Variants in CNOT6L observed in about 807,000 individuals in gnomAD.
The protein encoded by CNOT6L is CCR4-NOT transcription complex subunit 6 like.
CNOT6L carries 7 observed loss-of-function variants against 64.0 expected under a neutral mutation model. That is an observed-to-expected ratio of 0.11 (90% CI 0.06 to 0.21). The LOEUF is 0.21. Among genes scored for constraint, CNOT6L ranks in the 10% least tolerant of loss-of-function variants. CNOT6L has a pLI of 1.00. For synonymous variants in CNOT6L, 193 were observed against 243.4 expected, an observed-to-expected ratio of 0.79 and a Z score of 1.93; for missense variants, 245 against 669.0, an observed-to-expected ratio of 0.37 and a Z score of 6.99.
At chr4:77,737,154 T>C (rs1022764052) in intron 8 of CNOT6L, among the ~76,000 whole-genome samples, 1 of 152,166 alleles carries the variant, frequency 6.6e-6, no homozygotes, top group African/African-American at 2.4e-5. Flanking sequence ...AAAGGGGCAA[T>C]GTAATACACA....
chr4:77,756,181 A>G (rs917329299), intron 5 of CNOT6L, among the ~76,000 whole-genome samples: 14 of 152,038 alleles, frequency 9.2e-5, no homozygotes, highest in Non-Finnish European at 1.0e-4. Context: ...ACGTTTCACC[A>G]TGGTTTCACC....
At chr4:77,811,479 G>A (rs183158570) in intron 1 of CNOT6L, among the ~76,000 whole-genome samples, 12 of 152,154 alleles carry the variant, frequency 7.9e-5, no homozygotes, top group Admixed American at 6.5e-4. Context: ...CCTGGGAGGC[G>A]GAGGTTGCAG....
intron 1 of CNOT6L, among the ~76,000 whole-genome samples, chr4:77,816,360 C>T (rs1733576451): frequency 6.6e-6 from 1 of 152,052 alleles, no homozygotes; most frequent in East Asian, 1.9e-4. Context: ...ATTTCTATTT[C>T]TTTGTTTCTA....
chr4:77,729,263 C>G (rs1381480247), intron 9 of CNOT6L, among the ~76,000 whole-genome samples, 182 bp from the exon 10 acceptor site: 2 of 152,090 alleles, frequency 1.3e-5, no homozygotes, highest in African/African-American at 2.4e-5. Flanking sequence ...TCTGGTAATC[C>G]TACTATGGGA....
intron 1 of CNOT6L, among the ~76,000 whole-genome samples, chr4:77,818,671 G>C (rs983921841): frequency 5.3e-5 from 8 of 152,268 alleles, no homozygotes; most frequent in Admixed American, 4.6e-4. Flanking sequence ...CCTCTCAGGA[G>C]ACGCGGAGGC....
chr4:77,746,293 C>T (rs34497653), intron 6 of CNOT6L, among the ~76,000 whole-genome samples: 1 of 152,120 alleles, frequency 6.6e-6, no homozygotes, highest in Non-Finnish European at 1.5e-5. Flanking sequence ...TAAAAACTAC[C>T]TAAGTGTTAT....
intron 1 of CNOT6L, among the ~76,000 whole-genome samples, chr4:77,792,072 T>C (rs574530996): frequency 1.3e-5 from 2 of 152,232 alleles, no homozygotes; most frequent in Non-Finnish European, 2.9e-5. Flanking sequence ...TAAATGCCCA[T>C]GGATAACAGA....
chr4:77,810,550 TAC>T (rs1022072717), intron 1 of CNOT6L, among the ~76,000 whole-genome samples: 13 of 152,222 alleles, frequency 8.5e-5, no homozygotes, highest in African/African-American at 3.1e-4. Flanking sequence ...ATATATGGGA[TAC>T]ACAGTGATGT....
chr4:77,774,608 T>C lies in CNOT6L; in HGVS notation c.236A>G (p.His79Arg). The C allele has an allele frequency of 6.2e-7, 1 of 1,613,836 alleles. No individual in the cohort carries two copies. The highest frequency in any genetic ancestry group is 8.5e-7 in the Non-Finnish European group (1 of 1,179,776). ...SRIPPDIAKLHNLVYLDLSSN... is the reference protein window; with the variant it reads ...SRIPPDIAKLRNLVYLDLSSN... ...TGACAGATCCAGGTAAACCAGATTA[T>C]GAAGCTTGGCAATATCAGGTGGAAT... The change falls in exon 3 of 12, where the codon CAT (histidine) becomes CGT (arginine). Residue 79 changes from histidine to arginine, a missense_variant. Around this residue, in one of 10 missense-constraint regions of CNOT6L, gnomAD observed 78 missense variants for 137.6 expected, o/e 0.57. Coordinates refer to ENST00000504123, the MANE Select transcript of CNOT6L (RefSeq NM_144571.3).
chr4:77,819,226 C>A (rs368783905), intron 1 of CNOT6L, 78 bp downstream of exon 1: 1 of 1,612,406 alleles, frequency 6.2e-7, no homozygotes, highest in Non-Finnish European at 8.5e-7. Flanking sequence ...ATTTGTCCCT[C>A]TCCCACCTCA....
intron 8 of CNOT6L, among the ~76,000 whole-genome samples, chr4:77,737,060 A>C (rs1355454850): frequency 6.6e-6 from 1 of 152,216 alleles, no homozygotes; most frequent in African/African-American, 2.4e-5. Context: ...TGCTAGAGAG[A>C]GGACAGTGAC....
intron 1 of CNOT6L, among the ~76,000 whole-genome samples, chr4:77,801,116 C>A (rs1404254175): frequency 6.6e-6 from 1 of 152,144 alleles, no homozygotes; most frequent in African/African-American, 2.4e-5. Context: ...AGAGAACTTA[C>A]AATGGCTTTG....
At chr4:77,724,509 G>A (rs1002230420) in intron 11 of CNOT6L, among the ~76,000 whole-genome samples, 1 of 151,828 alleles carries the variant, frequency 6.6e-6, no homozygotes, top group Non-Finnish European at 1.5e-5. Flanking sequence ...TCATGGTGGT[G>A]TGTGCCTGTA....
Position 77,716,664 on chromosome 4 carries a change from A to AT in CNOT6L, c.*3766dup, listed in dbSNP as rs1397109389. The AT allele has an allele frequency of 2.0e-5, 3 of 152,550 alleles. No individual in the cohort carries two copies. Among genetic ancestry groups the AT allele is most frequent in the African/African-American group, 7.2e-5 (3 of 41,438 alleles). 9.4% of individuals were successfully genotyped at this position (152,550 alleles called of 1,614,324 possible). ...ATAATCTACCATAGAATCAAGTGAT[A>AT]TGAGCCTTAGATATCTTTCAACTTT... is the stretch of plus-strand genomic sequence containing the variant. On this transcript the variant is annotated 3_prime_UTR_variant, in exon 12 of 12. Transcript: ENST00000504123.
intron 2 of CNOT6L, among the ~76,000 whole-genome samples, chr4:77,775,971 G>C (rs573831106): frequency 6.6e-6 from 1 of 152,062 alleles, no homozygotes; most frequent in East Asian, 1.9e-4. Flanking sequence ...ATTTCAATTT[G>C]CAAAAATAAT....
At chr4:77,751,318 C>T (rs764463409) in intron 5 of CNOT6L, among the ~76,000 whole-genome samples, 3 of 151,952 alleles carry the variant, frequency 2.0e-5, no homozygotes, top group Non-Finnish European at 2.9e-5. Context: ...AACTTGAGAA[C>T]GAATCAGGAG....
chr4:77,723,190 T>TTAA (rs1327053058), intron 11 of CNOT6L, among the ~76,000 whole-genome samples: 1 of 152,204 alleles, frequency 6.6e-6, no homozygotes, highest in African/African-American at 2.4e-5. Flanking sequence ...AAGCTGTTTA[T>TTAA]TAAACTTACC....
At position 77,729,397 on chromosome 4, in the gene CNOT6L, A is replaced by C. The variant is rs147067627; in HGVS notation, c.1025-316T>G. Among the ~76,000 whole-genome samples, 704 of 152,322 alleles carry C rather than the reference A, an allele frequency of 4.6e-3. 7 individuals are homozygous for C. Among genetic ancestry groups the C allele is most frequent in the African/African-American group, 0.016 (679 of 41,584 alleles). ...CAATAATGTAGTAAGGCAGGTTTTC[A>C]GTTGAGTTACCTAAACCTCAATTTA... is the stretch of plus-strand genomic sequence containing the variant. On this transcript the variant is annotated intron_variant, in intron 9 of 11. Transcript: ENST00000504123.
intron 1 of CNOT6L, among the ~76,000 whole-genome samples, chr4:77,797,345 A>C (rs1184583061): frequency 6.6e-6 from 1 of 152,182 alleles, no homozygotes; most frequent in Non-Finnish European, 1.5e-5. Context: ...GGAAAATTCC[A>C]GAAATAAACA....
Sources: gnomAD v4.1 joint callset for allele counts (sites outside exome capture counted in the v4.1 genomes callset) on GRCh38, gnomAD v4.1.1 for gene constraint, gnomAD v4.1.1 regional missense constraint, MANE v1.5 for transcripts, NCBI Gene and HGNC (gene_info 2026-07-23, HGNC 2026-07-21) for gene names.